Variants in RERG observed in about 807,000 individuals in gnomAD.
RERG encodes the protein RAS like estrogen regulated growth inhibitor, also known as ras-related and estrogen-regulated growth inhibitor.
In RERG, 25 loss-of-function variants were observed where a neutral mutation model predicts 23.2. The ratio of observed to expected loss-of-function variants is 1.08; its 90% confidence interval spans 0.79 to 1.50. The LOEUF is 1.50. RERG is among the 40% of genes most tolerant of loss of function. RERG has a pLI of 0.00. For missense variants in RERG, 253 were observed against 250.1 expected (o/e 1.01, Z -0.08); for synonymous variants, 81 against 89.1 (o/e 0.91, Z 0.51).
chr12:15,139,156 C>G (rs1864194083), intron 2 of RERG, among the ~76,000 whole-genome samples: 3 of 151,104 alleles, frequency 2.0e-5, no homozygotes, highest in Non-Finnish European at 4.4e-5. Context: ...AGGTCTACCT[C>G]TGAGCTCTTT....
At chr12:15,146,879 G>A (rs1284539939) in intron 2 of RERG, among the ~76,000 whole-genome samples, 1 of 152,150 alleles carries the variant, frequency 6.6e-6, no homozygotes, top group African/African-American at 2.4e-5. Context: ...ACAAACGCAT[G>A]CAGATTAGCC....
intron 2 of RERG, among the ~76,000 whole-genome samples, chr12:15,124,146 CTT>C (rs1470702424): frequency 6.6e-6 from 1 of 152,054 alleles, no homozygotes; most frequent in Admixed American, 6.5e-5. Context: ...TTAAAAGTCA[CTT>C]AATGTAATCA....
Position 15,111,408 on chromosome 12 carries a change from T to C in RERG, c.128A>G (p.Tyr43Cys), listed in dbSNP as rs183650114. 62 of 1,613,080 alleles carry C rather than the reference T, an allele frequency of 3.8e-5. No individual in the cohort carries two copies. The highest frequency in any genetic ancestry group is 8.3e-5 in the Admixed American group (5 of 60,004). The change falls in exon 4 of 5, where the codon TAC (tyrosine) becomes TGC (cysteine). Residue 43 changes from tyrosine to cysteine, a missense_variant. Coordinates refer to ENST00000256953, the MANE Select transcript of RERG (RefSeq NM_032918.3). The stretch of plus-strand genomic sequence containing the variant: ...ATCATCGATGGTTGCTTGGTGTCGG[T>C]AGGTTGATTCTAAGGGAATGAGCAA... ...WEYDPTLEST[Y>C]RHQATIDDEV...
At chr12:15,125,791 A>G (rs1483039733) in intron 2 of RERG, among the ~76,000 whole-genome samples, 1 of 152,016 alleles carries the variant, frequency 6.6e-6, no homozygotes, top group Non-Finnish European at 1.5e-5. Flanking sequence ...GTAATGCAGT[A>G]GTGTTATAAT....
intron 2 of RERG, among the ~76,000 whole-genome samples, chr12:15,121,894 G>A (rs1863838511): frequency 1.3e-5 from 2 of 152,064 alleles, no homozygotes; most frequent in Non-Finnish European, 2.9e-5. Context: ...TAGGCCATCT[G>A]GATAATATTT....
At chr12:15,169,882 A>G (rs1191961210) in intron 2 of RERG, among the ~76,000 whole-genome samples, 1 of 151,212 alleles carries the variant, frequency 6.6e-6, no homozygotes, top group Non-Finnish European at 1.5e-5. Context: ...ACACCACACA[A>G]GCAATGAAAC....
intron 2 of RERG, among the ~76,000 whole-genome samples, chr12:15,210,833 C>A (rs1865356948): frequency 6.6e-6 from 1 of 152,150 alleles, no homozygotes; most frequent in Admixed American, 6.6e-5. Context: ...AAGGAAGATA[C>A]AAACCCTGTA....
At chr12:15,175,515 G>A (rs757978687) in intron 2 of RERG, among the ~76,000 whole-genome samples, 5 of 151,780 alleles carry the variant, frequency 3.3e-5, no homozygotes, top group African/African-American at 4.8e-5. Context: ...TCTTTACTGG[G>A]CATACACACA....
chr12:15,120,337 C>T (rs968809625), intron 3 of RERG, among the ~76,000 whole-genome samples: 2 of 152,042 alleles, frequency 1.3e-5, no homozygotes, highest in African/African-American at 4.8e-5. Context: ...CCTTCTCTTT[C>T]TGTATACTGA....
intron 2 of RERG, among the ~76,000 whole-genome samples, chr12:15,161,181 A>T (rs1455795636): frequency 2.0e-5 from 3 of 148,422 alleles, no homozygotes; most frequent in African/African-American, 7.4e-5. Flanking sequence ...AAAGAAAGAA[A>T]GAAAGAAAGA....
chr12:15,198,873 G>C (rs1451342858), intron 2 of RERG, among the ~76,000 whole-genome samples: 1 of 152,150 alleles, frequency 6.6e-6, no homozygotes, highest in African/African-American at 2.4e-5. Flanking sequence ...TTCGCCTTTA[G>C]CGAATCATGT....
At chr12:15,128,839 G>A (rs746475069) in intron 2 of RERG, among the ~76,000 whole-genome samples, 15 of 152,040 alleles carry the variant, frequency 9.9e-5, no homozygotes, top group South Asian at 2.1e-4. Context: ...CCTGCACCTC[G>A]AGCAACCTCC....
rs904701171 is a variant in RERG at position 15,217,606 on chromosome 12, T to C, written c.-114-3A>G. ...GAATCTTGGAAGAGTCCACAATCCT[T>C]AAACAAAAGAAATTTGGGAATTCAT... On this transcript the variant is annotated splice_polypyrimidine_tract_variant and splice_region_variant and intron_variant, in intron 1 of 4. Coordinates refer to ENST00000256953, the MANE Select transcript of RERG (RefSeq NM_032918.3). The C allele has an allele frequency of 2.9e-5, 21 of 735,278 alleles. No individual in the cohort carries two copies. The highest frequency in any genetic ancestry group is 1.1e-4 in the Admixed American group (5 of 43,552). The allele number at this position is 735,278 out of a possible 1,614,324, so 45.5% of individuals were successfully genotyped here.
chr12:15,197,627 G>A (rs565253039), intron 2 of RERG, among the ~76,000 whole-genome samples: 18 of 152,158 alleles, frequency 1.2e-4, no homozygotes, highest in Middle Eastern at 6.8e-3. Context: ...TAAAATAGTC[G>A]GTAGAGTGCC....
intron 2 of RERG, among the ~76,000 whole-genome samples, chr12:15,194,952 C>T (rs1291985934): frequency 6.6e-6 from 1 of 152,062 alleles, no homozygotes; most frequent in African/African-American, 2.4e-5. Context: ...TCCTTTATAG[C>T]CATCAAAAAT....
chr12:15,151,158 T>A (rs1387528796), intron 2 of RERG, among the ~76,000 whole-genome samples: 2 of 152,194 alleles, frequency 1.3e-5, no homozygotes, highest in African/African-American at 2.4e-5. Flanking sequence ...GTGATTTTTT[T>A]CCTCTGTATT....
intron 2 of RERG, among the ~76,000 whole-genome samples, chr12:15,147,731 A>G (rs931115188): frequency 2.0e-5 from 3 of 152,198 alleles, no homozygotes; most frequent in Non-Finnish European, 4.4e-5. Flanking sequence ...TAGATGTTGA[A>G]CCAAAAAGAG....
intron 3 of RERG, among the ~76,000 whole-genome samples, chr12:15,116,496 G>C (rs989467328): frequency 1.3e-5 from 2 of 152,282 alleles, no homozygotes; most frequent in East Asian, 3.9e-4. Flanking sequence ...TGATTCTTTG[G>C]CTATTTGTTA....
chr12:15,132,455 T>C (rs1461833618), intron 2 of RERG, among the ~76,000 whole-genome samples: 1 of 152,220 alleles, frequency 6.6e-6, no homozygotes, highest in Non-Finnish European at 1.5e-5. Flanking sequence ...ATGAAGAACA[T>C]CATGGTTGCT....
Sources: gnomAD v4.1 joint callset for allele counts (sites outside exome capture counted in the v4.1 genomes callset) on GRCh38, gnomAD v4.1.1 for gene constraint, MANE v1.5 for transcripts, NCBI Gene and HGNC (gene_info 2026-07-23, HGNC 2026-07-21) for gene names.